FAF1: variants seen among roughly 807,000 people sequenced by gnomAD.
The protein encoded by FAF1 is Fas associated factor 1, also known as FAS-associated factor 1.
FAF1 carries 25 observed loss-of-function variants against 92.5 expected under a neutral mutation model. The observed-to-expected ratio is 0.27, with a 90% confidence interval of 0.20 to 0.38. FAF1 has a LOEUF of 0.38. FAF1 is among the 10% of genes least tolerant of loss of function. The pLI, the probability that FAF1 is intolerant of heterozygous loss-of-function variation, is 1.00. For synonymous variants in FAF1, 234 were observed against 273.2 expected (o/e 0.86, Z 1.42); for missense variants, 636 against 793.3 (o/e 0.80, Z 2.38).
intron 1 of FAF1, among the ~76,000 whole-genome samples, chr1:50,958,408 T>C (rs1408576846): frequency 6.6e-6 from 1 of 152,192 alleles, no homozygotes; most frequent in African/African-American, 2.4e-5. Flanking sequence ...GGGAGCAGTG[T>C]GGCTCACGCC....
intron 15 of FAF1, 70 bp downstream of exon 15, chr1:50,535,299 T>C (rs1215120012): frequency 2.0e-6 from 2 of 1,019,320 alleles, no homozygotes; most frequent in African/African-American, 3.2e-5. Context: ...TAGGCATGTA[T>C]CATCATTTGA....
At chr1:50,791,776 C>T (rs1027190179) in intron 3 of FAF1, among the ~76,000 whole-genome samples, 1 of 152,154 alleles carries the variant, frequency 6.6e-6, no homozygotes, top group African/African-American at 2.4e-5. Context: ...CCACTTTTTG[C>T]TCTTTCAGTC....
chr1:50,681,761 C>A (rs537599121), intron 7 of FAF1, among the ~76,000 whole-genome samples: 3 of 151,862 alleles, frequency 2.0e-5, no homozygotes, highest in African/African-American at 7.3e-5. Context: ...TCAGGTGATC[C>A]ACCTGCCCTG....
chr1:50,918,899 A>G (rs1227661428), intron 1 of FAF1, among the ~76,000 whole-genome samples: 1 of 151,254 alleles, frequency 6.6e-6, no homozygotes, highest in African/African-American at 2.4e-5. Flanking sequence ...CTGGTGTGAG[A>G]TGATATCTCA....
chr1:50,664,061 G>A (rs1006354737), intron 7 of FAF1, among the ~76,000 whole-genome samples: 2 of 146,496 alleles, frequency 1.4e-5, no homozygotes, highest in South Asian at 2.2e-4. Context: ...GTAGTGACGC[G>A]ATCTTGGCTC....
intron 1 of FAF1, among the ~76,000 whole-genome samples, chr1:50,886,328 A>G (rs1296795368): frequency 6.6e-6 from 1 of 152,094 alleles, no homozygotes; most frequent in African/African-American, 2.4e-5. Context: ...TGTTTGAAGG[A>G]TATTTTCACT....
intron 8 of FAF1, among the ~76,000 whole-genome samples, chr1:50,621,402 T>G (rs1252779406): frequency 1.5e-5 from 2 of 130,074 alleles, no homozygotes; most frequent in Non-Finnish European, 3.3e-5. Context: ...TTTTTTTTTT[T>G]TTTTTTTTTT....
At chr1:50,724,101 T>C (rs1208513567) in intron 6 of FAF1, among the ~76,000 whole-genome samples, 3 of 152,044 alleles carry the variant, frequency 2.0e-5, no homozygotes, top group African/African-American at 7.2e-5. Flanking sequence ...TGATGGCACA[T>C]GCCTGTAGTT....
At chr1:50,821,029 C>G (rs1038006586) in intron 2 of FAF1, among the ~76,000 whole-genome samples, 1 of 152,160 alleles carries the variant, frequency 6.6e-6, no homozygotes. Flanking sequence ...TTTGCCATTA[C>G]TTTCAATGGC....
At chr1:50,448,881 C>A (rs1646259691) in intron 18 of FAF1, among the ~76,000 whole-genome samples, 1 of 150,416 alleles carries the variant, frequency 6.6e-6, no homozygotes, top group South Asian at 2.1e-4. Flanking sequence ...AACCTCAGAG[C>A]ACTAAGCAAG....
At position 50,534,653 on chromosome 1, in the gene FAF1, TAA is replaced by T. The variant is rs1461952524; in HGVS notation, c.1494+714_1494+715del. Reference sequence around the variant, plus strand: ...TAAACTCTTCTTAAATAACCTAGTTTAAAAGTGTCTATTTACTGCCATAACAC... The same window carrying T: ...TAAACTCTTCTTAAATAACCTAGTTTAAGTGTCTATTTACTGCCATAACAC... On this transcript the variant is annotated intron_variant, in intron 15 of 18. Coordinates refer to ENST00000396153, the MANE Select transcript of FAF1 (RefSeq NM_007051.3). 1.8e-4 allele frequency among the ~76,000 whole-genome samples: 28 copies of T among 152,296 alleles called. 2 individuals carry two copies. In the East Asian group the frequency reaches 5.4e-3, roughly 29 times the overall value.
chr1:50,633,571 C>T (rs1653881896), intron 8 of FAF1, among the ~76,000 whole-genome samples: 1 of 152,192 alleles, frequency 6.6e-6, no homozygotes, highest in African/African-American at 2.4e-5. Context: ...AAAGCAATCA[C>T]AAAAGGGCTC....
intron 1 of FAF1, among the ~76,000 whole-genome samples, chr1:50,937,388 T>C (rs1262757459): frequency 6.6e-6 from 1 of 152,068 alleles, no homozygotes; most frequent in African/African-American, 2.4e-5. Flanking sequence ...AATGCTAACA[T>C]AGTTGCCTTC....
At chr1:50,944,297 A>G (rs537832615) in intron 1 of FAF1, among the ~76,000 whole-genome samples, 3 of 152,340 alleles carry the variant, frequency 2.0e-5, no homozygotes, top group East Asian at 1.9e-4. Flanking sequence ...ATTTAATGTG[A>G]TAACAACAAT....
intron 1 of FAF1, among the ~76,000 whole-genome samples, chr1:50,942,923 G>A (rs1368960105): frequency 2.0e-5 from 3 of 152,146 alleles, no homozygotes; most frequent in Admixed American, 2.0e-4. Flanking sequence ...CCTTTGCTGT[G>A]GAGGGAGAAA....
Position 50,583,604 on chromosome 1 carries a change from G to T in FAF1, c.1031+48C>A. On this transcript the variant is annotated intron_variant, in intron 11 of 18. Coordinates refer to ENST00000396153, the MANE Select transcript of FAF1 (RefSeq NM_007051.3). This position sits in a 1 kb window ranked among gnomAD's most constrained non-coding sequence, Gnocchi z 4.2. ...TTAAAATTGCCCAAGAAAAATCACA[G>T]TAGCATAAAACAGCATCAAATTTAT... 1 of 1,163,472 alleles carries T rather than the reference G, an allele frequency of 8.6e-7. No homozygotes were observed. Among genetic ancestry groups the T allele is most frequent in the Non-Finnish European group, 1.2e-6 (1 of 831,134 alleles). The allele number at this position is 1,163,472 out of a possible 1,614,324, so 72.1% of individuals were successfully genotyped here.
chr1:50,757,699 G>A (rs1323805729), intron 4 of FAF1, among the ~76,000 whole-genome samples: 10 of 151,920 alleles, frequency 6.6e-5, no homozygotes, highest in Non-Finnish European at 1.3e-4. Context: ...TTTATTCAGT[G>A]TAACAATCTC....
At chr1:50,920,199 G>A (rs746207412) in intron 1 of FAF1, among the ~76,000 whole-genome samples, 13 of 152,006 alleles carry the variant, frequency 8.6e-5, no homozygotes, top group Non-Finnish European at 1.3e-4. Context: ...TACTCGGGAG[G>A]CTGAGGCAGG....
intron 6 of FAF1, among the ~76,000 whole-genome samples, chr1:50,714,280 A>C (rs1442736208): frequency 6.7e-6 from 1 of 149,190 alleles, no homozygotes; most frequent in Non-Finnish European, 1.5e-5. Flanking sequence ...AGGCGGGTGG[A>C]TTACTTGAGG....
Sources: allele counts gnomAD v4.1 joint callset (sites outside exome capture counted in the v4.1 genomes callset), GRCh38; gene constraint gnomAD v4.1.1; non-coding constraint Gnocchi (gnomAD v3.1); transcripts MANE v1.5; gene names NCBI Gene and HGNC (gene_info 2026-07-23, HGNC 2026-07-21).